The following CACNB2 variants were observed in gnomAD, a reference collection of about 807,000 sequenced individuals.
CACNB2 encodes calcium voltage-gated channel auxiliary subunit beta 2.
A neutral mutation model predicts 73.3 loss-of-function variants in CACNB2; 42 were observed. The ratio of observed to expected loss-of-function variants is 0.57; its 90% CI spans 0.45 to 0.74. CACNB2 has a LOEUF of 0.74. Ranked by LOEUF, CACNB2 falls within the 30% of genes least tolerant of loss-of-function variation. CACNB2 has a pLI of 0.00. For synonymous variants in CACNB2, 348 were observed against 310.3 expected (o/e 1.12, Z -1.28); for missense variants, 940 against 853.0 (o/e 1.10, Z -1.27).
chr10:18,330,437 G>A (rs1050237138), intron 2 of CACNB2, among the ~76,000 whole-genome samples: 1 of 152,100 alleles, frequency 6.6e-6, no homozygotes, highest in African/African-American at 2.4e-5. Context: ...GAACACTCGA[G>A]CCTAGGAGTT....
chr10:18,373,014 C>T (rs998608383), intron 2 of CACNB2, among the ~76,000 whole-genome samples: 2 of 152,054 alleles, frequency 1.3e-5, no homozygotes, highest in African/African-American at 4.8e-5. Flanking sequence ...TGGAGTCTCA[C>T]TATGTTGCCC....
At chr10:18,154,857 G>A (rs1011794425) in intron 2 of CACNB2, among the ~76,000 whole-genome samples, 1 of 152,152 alleles carries the variant, frequency 6.6e-6, no homozygotes, top group Non-Finnish European at 1.5e-5. Context: ...GCAGCAGTCC[G>A]CAAGCTAAGG....
At chr10:18,362,097 G>C (rs903181141) in intron 2 of CACNB2, among the ~76,000 whole-genome samples, 2 of 152,186 alleles carry the variant, frequency 1.3e-5, no homozygotes, top group African/African-American at 4.8e-5. Flanking sequence ...CCAATGGGTA[G>C]CAGATATAAG....
intron 2 of CACNB2, among the ~76,000 whole-genome samples, chr10:18,397,986 T>C (rs1185338038): frequency 6.6e-6 from 1 of 152,072 alleles, no homozygotes; most frequent in Non-Finnish European, 1.5e-5. Context: ...CAAGGACAAA[T>C]ACTGCAAAAG....
intron 2 of CACNB2, among the ~76,000 whole-genome samples, chr10:18,210,741 A>C (rs2035284534): frequency 6.6e-6 from 1 of 152,214 alleles, no homozygotes; most frequent in African/African-American, 2.4e-5. Context: ...AAGTAACTCA[A>C]GGAATGTTTC....
intron 2 of CACNB2, among the ~76,000 whole-genome samples, chr10:18,363,629 T>C (rs1165472425): frequency 6.6e-6 from 1 of 152,210 alleles, no homozygotes; most frequent in Non-Finnish European, 1.5e-5. Flanking sequence ...TAGTATTTAA[T>C]AGCATGTTTA....
At chr10:18,226,990 C>T (rs2036016892) in intron 2 of CACNB2, among the ~76,000 whole-genome samples, 4 of 152,086 alleles carry the variant, frequency 2.6e-5, no homozygotes, top group African/African-American at 9.7e-5. Flanking sequence ...AGAATGGCCA[C>T]TTAAATGAGA....
chr10:18,254,352 T>A (rs1410603771), intron 2 of CACNB2, among the ~76,000 whole-genome samples: 1 of 152,212 alleles, frequency 6.6e-6, no homozygotes, highest in Non-Finnish European at 1.5e-5. Flanking sequence ...CAAAATATGT[T>A]TTAAATTTAT....
chr10:18,151,881 G>A (rs1434099048), intron 2 of CACNB2, among the ~76,000 whole-genome samples: 1 of 152,206 alleles, frequency 6.6e-6, no homozygotes, highest in Non-Finnish European at 1.5e-5. Flanking sequence ...GCTGCCTCGT[G>A]TCATTTGGAT....
At chr10:18,361,612 CTTTT>C (rs56220879) in intron 2 of CACNB2, among the ~76,000 whole-genome samples, 1 of 125,470 alleles carries the variant, frequency 8.0e-6, no homozygotes. Context: ...AGGTAAAATT[CTTTT>C]TTTTTTTTTT....
chr10:18,154,500 C>G (rs534622522), intron 2 of CACNB2, among the ~76,000 whole-genome samples: 8 of 151,974 alleles, frequency 5.3e-5, no homozygotes, highest in Non-Finnish European at 1.0e-4. Context: ...TGGAGTCTCA[C>G]TCTGTCGCCC....
At chr10:18,519,694 A>T (rs991217478) in intron 9 of CACNB2, 9 of 451,260 alleles carry the variant, frequency 2.0e-5, no homozygotes, top group Non-Finnish European at 3.6e-5. Flanking sequence ...TAGGTGTCTC[A>T]TTTTTTTTTC....
intron 9 of CACNB2, chr10:18,519,796 C>A (rs1051918531): frequency 2.2e-6 from 1 of 453,768 alleles, no homozygotes; most frequent in Non-Finnish European, 4.4e-6. Context: ...TTCACCCACA[C>A]CACTCAGCTA....
intron 3 of CACNB2, among the ~76,000 whole-genome samples, chr10:18,411,572 C>T (rs1201517149): frequency 6.7e-6 from 1 of 150,200 alleles, no homozygotes; most frequent in African/African-American, 2.5e-5. Flanking sequence ...GTAGTGCCAC[C>T]ATCTTGGCTC....
At chr10:18,159,468 C>T (rs1368639208) in intron 2 of CACNB2, among the ~76,000 whole-genome samples, 2 of 152,078 alleles carry the variant, frequency 1.3e-5, no homozygotes, top group Admixed American at 1.3e-4. Flanking sequence ...GTGGTTGTAA[C>T]GAAATTATCC....
At chr10:18,300,666 T>C (rs1165244429) in intron 2 of CACNB2, among the ~76,000 whole-genome samples, 3 of 152,064 alleles carry the variant, frequency 2.0e-5, no homozygotes, top group African/African-American at 7.2e-5. Context: ...CTGGCCAGGA[T>C]AGTGAAACCC....
chr10:18,333,454 A>G (rs1313753508), intron 2 of CACNB2, among the ~76,000 whole-genome samples: 2 of 151,620 alleles, frequency 1.3e-5, no homozygotes, highest in Non-Finnish European at 2.9e-5. Flanking sequence ...AAAAAAAAAA[A>G]CCTGTTAGAG....
intron 7 of CACNB2, among the ~76,000 whole-genome samples, chr10:18,516,229 A>G (rs905425828): frequency 3.3e-5 from 5 of 152,152 alleles, no homozygotes; most frequent in African/African-American, 1.2e-4. Flanking sequence ...AAAAAAAGAA[A>G]AAAAAAATCA....
At chr10:18,259,906 T>C (rs369370814) in intron 2 of CACNB2, among the ~76,000 whole-genome samples, 2 of 151,988 alleles carry the variant, frequency 1.3e-5, no homozygotes, top group South Asian at 4.1e-4. Context: ...TAAGACCCTA[T>C]CTCAAAAAAG....
Sources: gnomAD v4.1 joint callset for allele counts (sites outside exome capture counted in the v4.1 genomes callset) on GRCh38, gnomAD v4.1.1 for gene constraint, MANE v1.5 for transcripts, NCBI Gene and HGNC (gene_info 2026-07-23, HGNC 2026-07-21) for gene names.